The following PATJ variants were observed in gnomAD, a reference collection of about 807,000 sequenced individuals.
PATJ encodes inaD-like protein.
Under a neutral mutation model 224.9 loss-of-function variants are expected in PATJ, and 190 were observed. The ratio of observed to expected loss-of-function variants is 0.84; its 90% CI spans 0.75 to 0.95. The LOEUF (loss-of-function observed/expected upper bound fraction) is 0.95, where lower values mean the gene tolerates loss of function less well. PATJ is among the 40% of genes least tolerant of loss of function. The pLI is 0.00. For missense variants in PATJ, 2,121 were observed against 2,270.3 expected (o/e 0.93, Z 1.34); for synonymous variants, 769 against 820.3 (o/e 0.94, Z 1.07).
intron 31 of PATJ, chr1:62,073,351 G>A (rs1657760638): frequency 1.0e-6 from 1 of 984,192 alleles, no homozygotes; most frequent in Admixed American, 6.2e-5. Context: ...GGCTGGGCAT[G>A]GTGGCTCATG....
intron 13 of PATJ, among the ~76,000 whole-genome samples, chr1:61,806,295 C>A (rs1019233105): frequency 3.9e-5 from 6 of 152,132 alleles, no homozygotes; most frequent in African/African-American, 1.2e-4. Flanking sequence ...ACCTAACCAC[C>A]ATCTGTTGTC....
chr1:61,986,827 T>C (rs566801746), intron 27 of PATJ, among the ~76,000 whole-genome samples: 123 of 152,346 alleles, frequency 8.1e-4, no homozygotes, highest in Non-Finnish European at 1.5e-3. Flanking sequence ...TTTTATTTTG[T>C]TTTGTTTGTT....
At chr1:62,035,416 A>C (rs775453104) in intron 29 of PATJ, among the ~76,000 whole-genome samples, 26 of 152,186 alleles carry the variant, frequency 1.7e-4, no homozygotes, top group Non-Finnish European at 2.8e-4. Context: ...TCATTCCACA[A>C]AAAAAGTAAC....
At chr1:61,810,743 T>TAAATAAAC (rs1553166714) in intron 14 of PATJ, among the ~76,000 whole-genome samples, 3 of 138,698 alleles carry the variant, frequency 2.2e-5, no homozygotes, top group Non-Finnish European at 3.1e-5. Flanking sequence ...AATAAATAAA[T>TAAATAAAC]AAACCCAGTC....
chr1:61,934,031 G>A (rs565464551), intron 27 of PATJ, among the ~76,000 whole-genome samples: 5 of 152,032 alleles, frequency 3.3e-5, no homozygotes, highest in African/African-American at 4.8e-5. Context: ...TGCCTCCCGG[G>A]TTCAAGCAAT....
chr1:62,064,125 G>A (rs1482688879), intron 31 of PATJ, among the ~76,000 whole-genome samples: 1 of 152,138 alleles, frequency 6.6e-6, no homozygotes, highest in African/African-American at 2.4e-5. Context: ...CAATATGTTG[G>A]CTGTGAGTTT....
chr1:61,828,566 T>A (rs1212710486), intron 16 of PATJ, among the ~76,000 whole-genome samples: 5 of 151,728 alleles, frequency 3.3e-5, no homozygotes, highest in South Asian at 2.1e-4. Context: ...ACTAAAAAAT[T>A]TTTTTCGTAC....
At chr1:61,814,666 TTTC>T (rs1321567398) in intron 14 of PATJ, among the ~76,000 whole-genome samples, 1 of 152,226 alleles carries the variant, frequency 6.6e-6, no homozygotes, top group Admixed American at 6.5e-5. Flanking sequence ...CCATAGAATT[TTTC>T]TTCATTTTGA....
intron 11 of PATJ, among the ~76,000 whole-genome samples, chr1:61,799,798 G>A (rs6587946): frequency 0.18 from 26,791 of 152,116 alleles, 2,517 homozygotes; most frequent in Non-Finnish European, 0.21. Context: ...TGAGAACATG[G>A]AGTGTTTAAT....
At chr1:61,930,573 T>C (rs895334621) in intron 27 of PATJ, among the ~76,000 whole-genome samples, 4 of 152,020 alleles carry the variant, frequency 2.6e-5, no homozygotes, top group African/African-American at 9.7e-5. Flanking sequence ...GAGATACACA[T>C]GGTTTTGGGG....
intron 7 of PATJ, 131 bp downstream of exon 7, chr1:61,775,465 G>T (rs1003364933): frequency 6.8e-6 from 5 of 731,032 alleles, no homozygotes; most frequent in African/African-American, 3.7e-5. Context: ...GCTTAAAAAT[G>T]ATTTATTCTG....
intron 26 of PATJ, among the ~76,000 whole-genome samples, chr1:61,915,272 A>G (rs2149237303): frequency 6.6e-6 from 1 of 152,232 alleles, no homozygotes; most frequent in South Asian, 2.1e-4. Context: ...TCCTTTACCC[A>G]CTGATTTGCA....
At chr1:62,151,392 C>T (rs1304481927) in intron 42 of PATJ, among the ~76,000 whole-genome samples, 4 of 151,672 alleles carry the variant, frequency 2.6e-5, no homozygotes, top group East Asian at 3.9e-4. Context: ...ATCGAGACCA[C>T]CCTGGCTAAC....
chr1:61,894,577 G>C (rs968428425), intron 22 of PATJ, among the ~76,000 whole-genome samples: 6 of 152,140 alleles, frequency 3.9e-5, no homozygotes, highest in Admixed American at 6.5e-5. Context: ...GATGTGCCTT[G>C]CTTCCCCTTT....
chr1:61,908,229 TGGGCCA>T, intron 24 of PATJ, 137 bp from the exon 25 acceptor site: 1 of 590,450 alleles, frequency 1.7e-6, no homozygotes, highest in Non-Finnish European at 3.0e-6. Flanking sequence ...AAGCTTTTTA[TGGGCCA>T]ATCTTATTTT....
chr1:62,100,252 C>T, intron 33 of PATJ: 1 of 615,236 alleles, frequency 1.6e-6, no homozygotes, highest in Non-Finnish European at 3.0e-6. Context: ...ACTCCATTTT[C>T]TGCTGCTATA....
rs1255774734 is a variant in PATJ at position 61,801,242 on chromosome 1, T to C, written c.1403-381T>C. ...TTCTCTACATCCTCTCCAGCACCTG[T>C]TGTTTCCTGACTTTTTAATGATTGC... On this transcript the variant is annotated intron_variant, in intron 11 of 43. Transcript: ENST00000642238. Among the ~76,000 whole-genome samples, 3 of 152,310 alleles carry C rather than the reference T, an allele frequency of 2.0e-5. No individual in the cohort carries two copies. In the East Asian group the frequency reaches 5.8e-4, roughly 29 times the overall value.
At position 61,833,690 on chromosome 1, in the gene PATJ, G is replaced by A. The variant is rs780360918; in HGVS notation, c.2017G>A (p.Asp673Asn). The change falls in exon 17 of 44, where the codon GAT becomes AAT. Residue 673 changes from aspartate (D) to asparagine (N), a missense_variant. By Grantham distance (23) the Asp-to-Asn change is conservative. Transcript: ENST00000642238. ...TATGGATGTCAATACTGAAGAAGAT[G>A]ATGATGGGGAATTAGCACTGTGGTC... ...HNMDVNTEED[D>N]DGELALWSPE... 6.2e-7 allele frequency: 1 copy of A among 1,613,504 alleles called. No homozygotes were observed. Among genetic ancestry groups the A allele is most frequent in the Non-Finnish European group, 8.5e-7 (1 of 1,179,602 alleles).
chr1:62,035,233 C>T (rs115677268), intron 29 of PATJ, among the ~76,000 whole-genome samples: 1 of 152,276 alleles, frequency 6.6e-6, no homozygotes, highest in Non-Finnish European at 1.5e-5. Flanking sequence ...CTCAAGGCAC[C>T]TGAAATGCAG....
Sources: allele counts gnomAD v4.1 joint callset (sites outside exome capture counted in the v4.1 genomes callset), GRCh38; gene constraint gnomAD v4.1.1; transcripts MANE v1.5; gene names NCBI Gene and HGNC (gene_info 2026-07-23, HGNC 2026-07-21).